RPS6KC1: variants seen among roughly 807,000 people sequenced by gnomAD.
The protein encoded by RPS6KC1 is ribosomal protein S6 kinase C1, also known as inactive ribosomal protein S6 kinase delta-1.
Under a neutral mutation model 103.8 loss-of-function variants are expected in RPS6KC1, and 54 were observed. The ratio of observed to expected loss-of-function variants is 0.52; its 90% confidence interval spans 0.42 to 0.65. The LOEUF is 0.65. Among genes scored for constraint, RPS6KC1 ranks in the 30% least tolerant of loss-of-function variants. The pLI, the probability that RPS6KC1 is intolerant of heterozygous loss-of-function variation, is 0.00. For missense variants in RPS6KC1, 1,151 were observed against 1,253.8 expected, an observed-to-expected ratio of 0.92 and a Z score of 1.24; for synonymous variants, 439 against 438.7, an observed-to-expected ratio of 1.00 and a Z score of -0.01.
chr1:213,351,898 G>A, the RPS6KC1 span, among the ~76,000 whole-genome samples: 2 of 152,056 alleles, frequency 1.3e-5, no homozygotes, highest in African/African-American at 4.8e-5. Context: ...GTATATACAG[G>A]TATGCTGAGT....
the RPS6KC1 span, among the ~76,000 whole-genome samples, chr1:213,633,503 G>C: frequency 6.6e-6 from 1 of 152,124 alleles, no homozygotes; most frequent in Non-Finnish European, 1.5e-5. Context: ...AATGCTGAGA[G>C]ATTTTGTCAC....
chr1:213,375,174 C>T, the RPS6KC1 span, among the ~76,000 whole-genome samples: 4 of 151,738 alleles, frequency 2.6e-5, no homozygotes, highest in African/African-American at 9.7e-5. Flanking sequence ...TACACACATA[C>T]ACATACACAC....
At chr1:213,402,849 A>T in the RPS6KC1 span, among the ~76,000 whole-genome samples, 1 of 152,088 alleles carries the variant, frequency 6.6e-6, no homozygotes, top group Non-Finnish European at 1.5e-5. Flanking sequence ...CGGGGTAATT[A>T]AAAAATATAC....
the RPS6KC1 span, among the ~76,000 whole-genome samples, chr1:213,813,819 G>C: frequency 6.6e-6 from 1 of 152,154 alleles, no homozygotes; most frequent in Non-Finnish European, 1.5e-5. Flanking sequence ...GTCTCTGGGA[G>C]TCCATAGCAT....
At chr1:213,157,788 A>G (rs1558442550) in intron 6 of RPS6KC1, among the ~76,000 whole-genome samples, 2 of 152,094 alleles carry the variant, frequency 1.3e-5, no homozygotes, top group Non-Finnish European at 2.9e-5. Flanking sequence ...TCTGATGAAT[A>G]TTGTTGAATT....
intron 10 of RPS6KC1, among the ~76,000 whole-genome samples, chr1:213,233,860 T>C (rs1056020709): frequency 6.6e-6 from 1 of 152,200 alleles, no homozygotes; most frequent in African/African-American, 2.4e-5. Flanking sequence ...AGGTGTCTAT[T>C]GTTTATTTTT....
the RPS6KC1 span, among the ~76,000 whole-genome samples, chr1:213,424,029 C>G: frequency 1.3e-5 from 2 of 152,196 alleles, no homozygotes; most frequent in African/African-American, 4.8e-5. Context: ...TCCTACAGCC[C>G]ATGAAGCCTC....
At chr1:213,190,873 G>A (rs1293289485) in intron 8 of RPS6KC1, among the ~76,000 whole-genome samples, 6 of 151,994 alleles carry the variant, frequency 3.9e-5, no homozygotes, top group Non-Finnish European at 8.8e-5. Flanking sequence ...ATGGATATTC[G>A]GTTTTCCCAG....
the RPS6KC1 span, among the ~76,000 whole-genome samples, chr1:213,511,120 C>A: frequency 2.6e-5 from 4 of 151,118 alleles, no homozygotes; most frequent in African/African-American, 7.3e-5. Flanking sequence ...TGATATAACT[C>A]AAGAAAAATC....
chr1:213,283,562 A>G, the RPS6KC1 span, among the ~76,000 whole-genome samples: 4 of 152,170 alleles, frequency 2.6e-5, no homozygotes, highest in African/African-American at 9.7e-5. Context: ...CAGTGGCCCA[A>G]TTTGAGAGCA....
the RPS6KC1 span, among the ~76,000 whole-genome samples, chr1:213,551,816 AC>A: frequency 6.6e-6 from 1 of 152,150 alleles, no homozygotes; most frequent in Non-Finnish European, 1.5e-5. Flanking sequence ...CATCATACAG[AC>A]TATTTTCATT....
At chr1:213,455,960 C>CGTGGGGT in the RPS6KC1 span, among the ~76,000 whole-genome samples, 12 of 152,288 alleles carry the variant, frequency 7.9e-5, no homozygotes, top group South Asian at 2.5e-3. Context: ...CCACCTTACC[C>CGTGGGGT]GTGGGGTAAC....
At chr1:213,307,617 C>A in the RPS6KC1 span, among the ~76,000 whole-genome samples, 1 of 152,184 alleles carries the variant, frequency 6.6e-6, no homozygotes, top group Non-Finnish European at 1.5e-5. Flanking sequence ...CAGTATGATT[C>A]TTTAACCCAT....
At chr1:213,737,425 T>C in the RPS6KC1 span, among the ~76,000 whole-genome samples, 1 of 152,162 alleles carries the variant, frequency 6.6e-6, no homozygotes, top group African/African-American at 2.4e-5. Context: ...AAAATGGTGA[T>C]TTCAGCAACC....
At chr1:213,649,732 A>C in the RPS6KC1 span, among the ~76,000 whole-genome samples, 1 of 152,118 alleles carries the variant, frequency 6.6e-6, no homozygotes, top group Non-Finnish European at 1.5e-5. Flanking sequence ...GAGAGCTAGG[A>C]CTGTGTCTCA....
intron 8 of RPS6KC1, among the ~76,000 whole-genome samples, chr1:213,215,633 G>A (rs548471006): frequency 6.6e-6 from 1 of 152,268 alleles, no homozygotes; most frequent in South Asian, 2.1e-4. Flanking sequence ...AGAGAGAAAG[G>A]TCGGGTTACC....
At chr1:213,426,247 G>C in the RPS6KC1 span, among the ~76,000 whole-genome samples, 1 of 152,126 alleles carries the variant, frequency 6.6e-6, no homozygotes, top group Non-Finnish European at 1.5e-5. Context: ...ACACCCTTTG[G>C]TTCAGTTTGG....
chr1:213,860,149 A>T, the RPS6KC1 span, among the ~76,000 whole-genome samples: 1 of 150,960 alleles, frequency 6.6e-6, no homozygotes, highest in Non-Finnish European at 1.5e-5. Flanking sequence ...ATATATCTGA[A>T]TATATATAGG....
the RPS6KC1 span, among the ~76,000 whole-genome samples, chr1:213,592,844 C>T: frequency 3.2e-4 from 49 of 152,056 alleles, no homozygotes; most frequent in African/African-American, 1.0e-3. Flanking sequence ...ACAAGCCAAT[C>T]GATTAATGAA....
Sources: gnomAD v4.1 joint callset for allele counts (sites outside exome capture counted in the v4.1 genomes callset) on GRCh38, gnomAD v4.1.1 for gene constraint, MANE v1.5 for transcripts, NCBI Gene and HGNC (gene_info 2026-07-23, HGNC 2026-07-21) for gene names.